The following ANKFY1 variants were observed in gnomAD, a reference collection of about 807,000 sequenced individuals.
The protein encoded by ANKFY1 is ankyrin repeat and FYVE domain containing 1.
ANKFY1 carries 47 observed loss-of-function variants against 128.3 expected under a neutral mutation model. The observed-to-expected ratio is 0.37, with a 90% CI of 0.29 to 0.47. The LOEUF is 0.47. Among genes scored for constraint, ANKFY1 ranks in the 20% least tolerant of loss-of-function variants. The probability of loss-of-function intolerance (pLI) is 1.00; values close to 1 mark genes in which losing one functional copy is unlikely to be tolerated. For synonymous variants in ANKFY1, 553 were observed against 601.6 expected, an observed-to-expected ratio of 0.92 and a Z score of 1.18; for missense variants, 1,222 against 1,510.6, an observed-to-expected ratio of 0.81 and a Z score of 3.17.
rs1223780447 is a variant in ANKFY1 at position 4,195,398 on chromosome 17, C to T, written c.1172+5G>A. 4 of 1,613,758 alleles carry T rather than the reference C, an allele frequency of 2.5e-6. No individual in the cohort carries two copies. The highest frequency in any genetic ancestry group is 3.4e-6 in the Non-Finnish European group (4 of 1,179,814). ...CTTCTCACTTGTGCGTGTCTCCCTACGTACTGTTTGCACTGCAGCAGCTGA... is the reference window on the plus strand; with the variant it reads ...CTTCTCACTTGTGCGTGTCTCCCTATGTACTGTTTGCACTGCAGCAGCTGA... On this transcript the variant is annotated splice_donor_5th_base_variant and intron_variant, in intron 9 of 24. Coordinates refer to ENST00000341657, the MANE Select transcript of ANKFY1 (RefSeq NM_001330063.2).
chr17:4,171,619 C>T (rs946669744), intron 22 of ANKFY1, among the ~76,000 whole-genome samples: 2 of 152,210 alleles, frequency 1.3e-5, no homozygotes, highest in Non-Finnish European at 2.9e-5. Context: ...GGGACCTCAA[C>T]ACGGAGCCCC....
chr17:4,244,138 CCAGGCTGGT>C (rs1238993955), intron 1 of ANKFY1, among the ~76,000 whole-genome samples: 2 of 152,182 alleles, frequency 1.3e-5, no homozygotes, highest in Non-Finnish European at 2.9e-5. Context: ...GCCATGTTGG[CCAGGCTGGT>C]CTCAGACTCC....
At chr17:4,187,988 T>C (rs1028385713) in intron 11 of ANKFY1, 3 of 152,134 alleles carry the variant, frequency 2.0e-5, no homozygotes, top group African/African-American at 7.2e-5. Flanking sequence ...AGTTAGGAGA[T>C]AGTAGAGCAT....
chr17:4,171,921 T>C (rs1567906284), intron 22 of ANKFY1, among the ~76,000 whole-genome samples: 1 of 152,154 alleles, frequency 6.6e-6, no homozygotes, highest in African/African-American at 2.4e-5. Context: ...GGATGAGACA[T>C]CTGGTTTTGC....
In ANKFY1 at chr17:4,222,223, G is replaced by T. The variant is rs186005798; in HGVS notation, c.323-5105C>A. The T allele has an allele frequency of 8.9e-5, 25 of 281,256 alleles. No homozygotes were observed. The East Asian group carries it at 1.8e-3, about 20-fold the overall frequency. 17.4% of individuals were successfully genotyped at this position (281,256 alleles called of 1,614,324 possible). On this transcript the variant is annotated intron_variant, in intron 3 of 24. Coordinates refer to ENST00000341657, the MANE Select transcript of ANKFY1 (RefSeq NM_001330063.2). ...CGCGCCTGGCGCCGCCGCCCCCGCC[G>T]CCCCGCGGACCCCGGAGCTGCAGTC...
At chr17:4,260,969 T>C (rs528490940) in intron 1 of ANKFY1, among the ~76,000 whole-genome samples, 24 of 152,160 alleles carry the variant, frequency 1.6e-4, no homozygotes, top group Non-Finnish European at 2.1e-4. Context: ...TTTAAATAAC[T>C]GTCTCCAAAC....
intron 22 of ANKFY1, 111 bp from the exon 23 acceptor site, chr17:4,170,972 G>A (rs912902931): frequency 2.7e-6 from 4 of 1,472,292 alleles, no homozygotes; most frequent in South Asian, 2.4e-5. Context: ...CAGGAAATCT[G>A]TTCACAAAGT....
At chr17:4,198,400 C>G (rs1217639714) in intron 7 of ANKFY1, among the ~76,000 whole-genome samples, 1 of 151,232 alleles carries the variant, frequency 6.6e-6, no homozygotes, top group Non-Finnish European at 1.5e-5. Context: ...CAGACAGAGC[C>G]TTGCTCTGTC....
At chr17:4,200,507 C>T (rs185506550) in intron 7 of ANKFY1, among the ~76,000 whole-genome samples, 184 of 152,308 alleles carry the variant, frequency 1.2e-3, no homozygotes, top group Non-Finnish European at 2.1e-3. Context: ...TCTGCAGATT[C>T]CGTCTCCATT....
At chr17:4,177,397 G>T in intron 18 of ANKFY1, 95 bp from the exon 19 acceptor site, 1 of 1,106,174 alleles carries the variant, frequency 9.0e-7, no homozygotes. Context: ...GAGAGGTCAC[G>T]ATGGAGACCT....
At chr17:4,236,827 G>T (rs1441471035) in intron 2 of ANKFY1, among the ~76,000 whole-genome samples, 2 of 151,988 alleles carry the variant, frequency 1.3e-5, no homozygotes, top group Non-Finnish European at 2.9e-5. Context: ...ACCATTACAT[G>T]AATTAACCCA....
chr17:4,202,469 C>T (rs1411778585), intron 7 of ANKFY1, among the ~76,000 whole-genome samples: 2 of 150,528 alleles, frequency 1.3e-5, no homozygotes, highest in African/African-American at 2.4e-5. Flanking sequence ...GAGGCCGAGA[C>T]GGGCGGATCA....
Position 4,172,690 on chromosome 17 carries a change from C to A in ANKFY1, c.3015-10G>T. On this transcript the variant is annotated splice_polypyrimidine_tract_variant and intron_variant, in intron 21 of 24. Coordinates refer to ENST00000341657, the MANE Select transcript of ANKFY1 (RefSeq NM_001330063.2). ...CAGTGGTGACTGGCCTCTGATAAAA[C>A]AAGTTGGAAAAGTTAGGAATGTATC... 1.9e-6 allele frequency: 3 copies of A among 1,613,484 alleles called. No homozygotes were observed. The highest frequency in any genetic ancestry group is 2.5e-6 in the Non-Finnish European group (3 of 1,179,798).
rs772600544 is a variant in ANKFY1, at chr17:4,216,983, C to T, written c.458G>A (p.Arg153Lys). ...CTTGAATATATCTGCTGTGACTTGC[C>T]TCTCCCTGAGGAGCTGTAGCTGAAA... ...NRFQLQLLRE[R>K]CEKGVMSLVN... The change falls in exon 4 of 25, where the codon AGA (arginine) becomes AAA (lysine). Residue 153 changes from arginine (R) to lysine (K), a missense_variant and splice_region_variant. Arg to Lys is a conservative substitution (Grantham distance 26). Coordinates refer to ENST00000341657, the MANE Select transcript of ANKFY1 (RefSeq NM_001330063.2). 1 of 1,613,998 alleles carries T rather than the reference C, an allele frequency of 6.2e-7. No individual in the cohort carries two copies. Among genetic ancestry groups the T allele is most frequent in the African/African-American group, 1.3e-5 (1 of 74,932 alleles).
rs1261557692 is a variant in ANKFY1 at position 4,177,164 on chromosome 17, C to T, written c.2737G>A (p.Ala913Thr). Residue 913 changes from alanine (A) to threonine (T), a missense_variant, in exon 19 of 25, where the codon GCT (alanine) becomes ACT (threonine). Ala to Thr is a moderately conservative substitution (Grantham distance 58). Coordinates refer to ENST00000341657, the MANE Select transcript of ANKFY1 (RefSeq NM_001330063.2). ...ATAATTTCTGAGCCTGCTTGGACAG[C>T]GAGGTGCAGGGGGGTCAACTTGGAG... The part of the protein sequence containing the change: ...DASKLTPLHL[A>T]VQAGSEIIVR... 4 of 1,599,672 alleles carry T rather than the reference C, an allele frequency of 2.5e-6. No homozygotes were observed. The highest frequency in any genetic ancestry group is 3.4e-6 in the Non-Finnish European group (4 of 1,173,284).
chr17:4,182,518 C>G (rs2059534225), intron 14 of ANKFY1, among the ~76,000 whole-genome samples, 169 bp from the exon 15 acceptor site: 1 of 152,210 alleles, frequency 6.6e-6, no homozygotes, highest in Admixed American at 6.5e-5. Flanking sequence ...TCTGTCCATT[C>G]TGACTTTTTA....
intron 1 of ANKFY1, among the ~76,000 whole-genome samples, chr17:4,242,657 C>T (rs1967307664): frequency 6.6e-6 from 1 of 152,128 alleles, no homozygotes; most frequent in South Asian, 2.1e-4. Flanking sequence ...CTTTGGGAGG[C>T]CAAAGCAGGG....
chr17:4,202,814 C>A (rs2059957464), intron 7 of ANKFY1, among the ~76,000 whole-genome samples: 2 of 150,320 alleles, frequency 1.3e-5, no homozygotes, highest in Admixed American at 6.6e-5. Context: ...CAATACTGCA[C>A]AGGTATATGA....
At chr17:4,206,216 C>A (rs2060020806) in intron 7 of ANKFY1, 105 bp downstream of exon 7, 2 of 1,267,886 alleles carry the variant, frequency 1.6e-6, no homozygotes, top group South Asian at 2.7e-5. Flanking sequence ...TGAGTACAGA[C>A]TACAGAAGCC....
Sources: gnomAD v4.1 joint callset for allele counts (sites outside exome capture counted in the v4.1 genomes callset) on GRCh38, gnomAD v4.1.1 for gene constraint, MANE v1.5 for transcripts, NCBI Gene and HGNC (gene_info 2026-07-23, HGNC 2026-07-21) for gene names.